Variants in C14orf39 observed in about 807,000 individuals in gnomAD.
C14orf39 encodes the protein chromosome 14 open reading frame 39, also known as protein SIX6OS1.
A neutral mutation model predicts 85.6 loss-of-function variants in C14orf39; 66 were observed. The observed-to-expected ratio is 0.77, with a 90% CI of 0.63 to 0.95. The LOEUF is 0.95. Ranked by LOEUF, C14orf39 falls within the 40% of genes least tolerant of loss-of-function variation. The pLI is 0.00. For synonymous variants in C14orf39, 242 were observed against 214.0 expected, an observed-to-expected ratio of 1.13 and a Z score of -1.14; for missense variants, 735 against 663.9, an observed-to-expected ratio of 1.11 and a Z score of -1.18.
rs1375211335 is a variant in C14orf39 at position 60,476,239 on chromosome 14, AG to A, written c.323+2060del. Among the ~76,000 whole-genome samples the A allele has an allele frequency of 3.9e-5, 6 of 152,314 alleles. No homozygotes were observed. In the South Asian group the frequency reaches 1.2e-3, roughly 32 times the overall value. On this transcript the variant is annotated intron_variant, in intron 5 of 17. Coordinates refer to ENST00000321731, the MANE Select transcript of C14orf39 (RefSeq NM_174978.3). ...AAATTAAGCCTGGGTCACCAGTTCC[AG>A]GTGAGATGACTATGCCACATCCACC... is the stretch of plus-strand genomic sequence containing the variant.
At chr14:60,502,809 G>A (rs1357541972) in intron 1 of C14orf39, among the ~76,000 whole-genome samples, 1 of 152,180 alleles carries the variant, frequency 6.6e-6, no homozygotes, top group African/African-American at 2.4e-5. Flanking sequence ...TTCAATAGGT[G>A]GGCCTAGAGC....
chr14:60,493,182 C>T (rs1027409927), intron 2 of C14orf39, among the ~76,000 whole-genome samples: 2 of 152,126 alleles, frequency 1.3e-5, no homozygotes, highest in African/African-American at 4.8e-5. Context: ...ACATTGACTC[C>T]CTAAGGACTA....
intron 4 of C14orf39, among the ~76,000 whole-genome samples, chr14:60,481,330 G>A (rs1172219344): frequency 6.6e-6 from 1 of 152,068 alleles, no homozygotes; most frequent in Admixed American, 6.5e-5. Flanking sequence ...ATTTCCTTAT[G>A]AAAAATTCTC....
chr14:60,496,477 G>A, intron 2 of C14orf39: 1 of 262,628 alleles, frequency 3.8e-6, no homozygotes. Flanking sequence ...CCCCTTAGCT[G>A]CCACCATTCT....
chr14:60,469,459 TA>T, intron 8 of C14orf39, 73 bp downstream of exon 8: 1 of 593,394 alleles, frequency 1.7e-6, no homozygotes. Flanking sequence ...ATAGCTCTTC[TA>T]AAACTGTCAA....
chr14:60,438,504 T>C (rs937329523), intron 17 of C14orf39, among the ~76,000 whole-genome samples: 57 of 152,260 alleles, frequency 3.7e-4, no homozygotes, highest in African/African-American at 1.3e-3. Context: ...ACTCATATGA[T>C]CACTGTAAAT....
intron 1 of C14orf39, among the ~76,000 whole-genome samples, chr14:60,503,737 G>A (rs891073238): frequency 4.6e-5 from 7 of 152,126 alleles, no homozygotes; most frequent in African/African-American, 1.4e-4. Flanking sequence ...ATAAGTATTT[G>A]GTTATCCTAA....
chr14:60,497,939 C>T (rs1265314493), intron 2 of C14orf39, among the ~76,000 whole-genome samples: 2 of 151,832 alleles, frequency 1.3e-5, no homozygotes, highest in African/African-American at 4.8e-5. Flanking sequence ...AAAAAATTCC[C>T]TTTGTACTTA....
At position 60,471,426 on chromosome 14, in the gene C14orf39, G is replaced by T. The variant is rs1475870662; in HGVS notation, c.545C>A (p.Thr182Asn). The change falls in exon 7 of 18, where the codon ACT (threonine) becomes AAT (asparagine). Residue 182 changes from threonine (T) to asparagine (N), a missense_variant. Transcript: ENST00000321731. ...PAPFPSLTKW[T>N]LNIVNLRCET... is the part of the protein sequence containing the mutation. Reference sequence around the variant, plus strand: ...ATACTATTGTGGATACATGTTTAAAGTCCATTTAGTAAGTGATGGAAAGGG... The same window carrying T: ...ATACTATTGTGGATACATGTTTAAATTCCATTTAGTAAGTGATGGAAAGGG... The T allele has an allele frequency of 6.3e-7, 1 of 1,594,686 alleles. No individual in the cohort carries two copies.
At chr14:60,462,704 C>T (rs551709600) in intron 11 of C14orf39, among the ~76,000 whole-genome samples, 1 of 152,234 alleles carries the variant, frequency 6.6e-6, no homozygotes, top group Admixed American at 6.5e-5. Context: ...CTGCAGGCTG[C>T]ATGCAGTCCA....
At chr14:60,446,913 G>A (rs1488356519) in intron 16 of C14orf39, among the ~76,000 whole-genome samples, 1 of 152,078 alleles carries the variant, frequency 6.6e-6, no homozygotes, top group Non-Finnish European at 1.5e-5. Flanking sequence ...ATCAATACAC[G>A]TGATCCATCA....
chr14:60,467,635 T>C (rs1345521941), intron 9 of C14orf39, among the ~76,000 whole-genome samples: 2 of 151,822 alleles, frequency 1.3e-5, no homozygotes, highest in Admixed American at 1.3e-4. Context: ...TAAAGTAAAA[T>C]TCTGTCTATT....
intron 16 of C14orf39, among the ~76,000 whole-genome samples, chr14:60,443,559 C>T (rs929992463): frequency 3.3e-5 from 5 of 152,214 alleles, no homozygotes; most frequent in Admixed American, 2.6e-4. Flanking sequence ...TCAGCAAGGC[C>T]TACTGCCTCT....
In C14orf39 at chr14:60,483,720, A is replaced by G. The variant is rs752588311; in HGVS notation, c.204T>C (p.His68=). ...TACAGTTGTCTTTAATCTCCTCACTATGTTTACAGTAATGATCAATTTCCT... is the reference window on the plus strand; with the variant it reads ...TACAGTTGTCTTTAATCTCCTCACTGTGTTTACAGTAATGATCAATTTCCT... ...TDEEIDHYCK[H]SEEIKDNCRN... The change falls in exon 4 of 18, where the codon CAT becomes CAC. Residue 68 remains histidine (H), a synonymous_variant. Coordinates refer to ENST00000321731, the MANE Select transcript of C14orf39 (RefSeq NM_174978.3). 3 of 1,597,600 alleles carry G rather than the reference A, an allele frequency of 1.9e-6. No homozygotes were observed. The highest frequency in any genetic ancestry group is 1.1e-5 in the South Asian group (1 of 88,828).
chr14:60,479,835 T>G (rs1320522054), intron 4 of C14orf39, among the ~76,000 whole-genome samples: 2 of 152,182 alleles, frequency 1.3e-5, no homozygotes, highest in South Asian at 2.1e-4. Context: ...TAATGTTCAT[T>G]CATATGGATA....
rs537960777 is a variant in C14orf39 at position 60,468,434 on chromosome 14, G to T, written c.767+11C>A. ...GTTCACATAAAATTTAATTTTAAAG[G>T]TTACCTATACCTTTCTTTCAGTTCT... On this transcript the variant is annotated intron_variant, in intron 9 of 17. Coordinates refer to ENST00000321731, the MANE Select transcript of C14orf39 (RefSeq NM_174978.3). 1.0e-5 allele frequency: 15 copies of T among 1,497,692 alleles called. No individual in the cohort carries two copies. The South Asian group carries it at 1.8e-4, about 18-fold the overall frequency. 92.8% of individuals were successfully genotyped at this position (1,497,692 alleles called of 1,614,324 possible). A position where few individuals can be genotyped will look rare whatever the true frequency, so the allele number is the denominator to read the frequency against.
Position 60,469,602 on chromosome 14 carries a change from A to G in C14orf39, c.606T>C (p.Leu202=). The G allele has an allele frequency of 6.6e-7, 1 of 1,522,728 alleles. No homozygotes were observed. Among genetic ancestry groups the G allele is most frequent in the Non-Finnish European group, 8.9e-7 (1 of 1,127,622 alleles). 94.3% of individuals were successfully genotyped at this position (1,522,728 alleles called of 1,614,324 possible). A position where few individuals can be genotyped will look rare whatever the true frequency, so the allele number is the denominator to read the frequency against. Residue 202 remains leucine, a synonymous_variant, in exon 8 of 18, where the codon CTT becomes CTC. Transcript: ENST00000321731. ...TQDILKHASN[L]TKSSSELKKE... ...TCTTCAATTCGGATGAACTTTTGGT[A>G]AGATTGCTGGCATGTTTAAGAATAT...
rs1311027691 is a variant in C14orf39, at chr14:60,485,363, G to C, written c.-8-277C>G. On this transcript the variant is annotated intron_variant, in intron 1 of 17. Coordinates refer to ENST00000321731, the MANE Select transcript of C14orf39 (RefSeq NM_174978.3). ...CACCCGCATAACCGCTTATGCGTGGGATTGCAACAAGCATCCGGATCTTCC... is the reference window on the plus strand; with the variant it reads ...CACCCGCATAACCGCTTATGCGTGGCATTGCAACAAGCATCCGGATCTTCC... Among the ~76,000 whole-genome samples the C allele has an allele frequency of 2.6e-5, 4 of 152,324 alleles. No individual in the cohort carries two copies. The East Asian group carries it at 7.7e-4, about 29-fold the overall frequency.
intron 16 of C14orf39, among the ~76,000 whole-genome samples, 157 bp downstream of exon 16, chr14:60,454,844 G>T (rs1431156435): frequency 6.6e-6 from 1 of 151,826 alleles, no homozygotes; most frequent in East Asian, 1.9e-4. Context: ...AAAACAAAAA[G>T]GTAATAGGGA....
Sources: allele counts gnomAD v4.1 joint callset (sites outside exome capture counted in the v4.1 genomes callset), GRCh38; gene constraint gnomAD v4.1.1; transcripts MANE v1.5; gene names NCBI Gene and HGNC (gene_info 2026-07-23, HGNC 2026-07-21).